BRAF: variants seen among roughly 807,000 people sequenced by gnomAD.
BRAF encodes the protein B-Raf proto-oncogene, serine/threonine kinase.
Under a neutral mutation model 104.6 loss-of-function variants are expected in BRAF, and 16 were observed. The observed-to-expected ratio is 0.15, with a 90% CI of 0.10 to 0.23. The LOEUF (loss-of-function observed/expected upper bound fraction) is 0.23, where lower values mean the gene tolerates loss of function less well. BRAF is among the 10% of genes least tolerant of loss of function. BRAF has a pLI of 1.00. For synonymous variants in BRAF, 310 were observed against 341.6 expected (o/e 0.91, Z 1.02); for missense variants, 541 against 937.3 (o/e 0.58, Z 5.52).
intron 1 of BRAF, among the ~76,000 whole-genome samples, chr7:140,891,515 T>C (rs1388783809): frequency 1.3e-5 from 2 of 152,246 alleles, no homozygotes; most frequent in East Asian, 1.9e-4. Flanking sequence ...TATTACTTTT[T>C]ACTGTTTTCC....
rs1459171405 is a variant in BRAF at position 140,924,897 on chromosome 7, G to T, written c.-194C>A. On this transcript the variant is annotated 5_prime_UTR_variant, in exon 1 of 20. Coordinates refer to ENST00000644969, the MANE Select transcript of BRAF (RefSeq NM_001374258.1). The surrounding 1 kb of genome is among the most constrained non-coding windows in gnomAD (Gnocchi z 4.2). ...ACCTCAGGTACCGGCCCGCGGCCCC[G>T]GGCGCAGCCGAGCCTGAGGGGATTG... is the stretch of plus-strand genomic sequence containing the variant. 5.7e-6 allele frequency: 1 copy of T among 175,354 alleles called. No individual in the cohort carries two copies. Among genetic ancestry groups the T allele is most frequent in the Non-Finnish European group, 1.2e-5 (1 of 85,604 alleles). 10.9% of individuals were successfully genotyped at this position (175,354 alleles called of 1,614,324 possible). A position where few individuals can be genotyped will look rare whatever the true frequency, so the allele number is the denominator to read the frequency against.
At chr7:140,755,326 A>G (rs917124909) in intron 14 of BRAF, among the ~76,000 whole-genome samples, 2 of 152,222 alleles carry the variant, frequency 1.3e-5, no homozygotes, top group Non-Finnish European at 2.9e-5. Flanking sequence ...GACAATGATC[A>G]TTAGACAGTT....
chr7:140,856,255 T>A (rs1417545179), intron 1 of BRAF, among the ~76,000 whole-genome samples: 3 of 151,232 alleles, frequency 2.0e-5, no homozygotes, highest in Non-Finnish European at 4.4e-5. Context: ...AAAGGTGGGG[T>A]TGGGGGAGGA....
At chr7:140,912,591 T>C (rs1420010632) in intron 1 of BRAF, among the ~76,000 whole-genome samples, 1 of 152,226 alleles carries the variant, frequency 6.6e-6, no homozygotes, top group Non-Finnish European at 1.5e-5. Context: ...CCCACTTTCC[T>C]CACTAGCTCT....
At chr7:140,877,320 G>A (rs559518364) in intron 1 of BRAF, among the ~76,000 whole-genome samples, 2 of 144,912 alleles carry the variant, frequency 1.4e-5, no homozygotes, top group East Asian at 2.0e-4. Context: ...CTTGCATGTT[G>A]CGCAATCTAG....
Position 140,923,307 on chromosome 7 carries a change from A to C in BRAF, c.138+1259T>G, listed in dbSNP as rs1277882533. On this transcript the variant is annotated intron_variant, in intron 1 of 19. Coordinates refer to ENST00000644969, the MANE Select transcript of BRAF (RefSeq NM_001374258.1). ...GTCAACAGAGTAAGTCACATTACCTAATCAATAACTGTAAACCACAATTAT... is the reference window on the plus strand; with the variant it reads ...GTCAACAGAGTAAGTCACATTACCTCATCAATAACTGTAAACCACAATTAT... Among the ~76,000 whole-genome samples the C allele has an allele frequency of 2.6e-5, 4 of 152,350 alleles. No individual in the cohort carries two copies. In the East Asian group the frequency reaches 7.7e-4, roughly 29 times the overall value.
At chr7:140,918,393 C>A (rs886991375) in intron 1 of BRAF, among the ~76,000 whole-genome samples, 1 of 152,166 alleles carries the variant, frequency 6.6e-6, no homozygotes, top group African/African-American at 2.4e-5. Context: ...ATAGGGTTCA[C>A]GCTCCTGCCG....
At chr7:140,764,652 T>G (rs939312112) in intron 14 of BRAF, among the ~76,000 whole-genome samples, 3 of 152,034 alleles carry the variant, frequency 2.0e-5, no homozygotes, top group African/African-American at 2.4e-5. Flanking sequence ...TATACACCAA[T>G]AACAGACAAA....
At chr7:140,822,124 AT>A (rs1805552655) in intron 3 of BRAF, among the ~76,000 whole-genome samples, 1 of 152,170 alleles carries the variant, frequency 6.6e-6, no homozygotes. Context: ...ATATACCCAG[AT>A]AACAAAGCTG....
chr7:140,830,515 T>C (rs568233405), intron 3 of BRAF, among the ~76,000 whole-genome samples: 2 of 152,316 alleles, frequency 1.3e-5, no homozygotes, highest in South Asian at 4.1e-4. Context: ...CACAGAGCTC[T>C]GATTCCCTTG....
At chr7:140,897,826 A>G (rs114831957) in intron 1 of BRAF, among the ~76,000 whole-genome samples, 59 of 152,202 alleles carry the variant, frequency 3.9e-4, no homozygotes, top group African/African-American at 1.3e-3. Context: ...AAAAATCAAA[A>G]TCAAAATCAA....
At chr7:140,748,921 T>C (rs916929245) in intron 17 of BRAF, 3 of 165,634 alleles carry the variant, frequency 1.8e-5, no homozygotes, top group East Asian at 1.7e-4. Flanking sequence ...AAAGATCTCA[T>C]AGCTGAGTAC....
intron 8 of BRAF, among the ~76,000 whole-genome samples, chr7:140,789,965 G>C (rs1801786551): frequency 6.6e-6 from 1 of 152,166 alleles, no homozygotes; most frequent in Non-Finnish European, 1.5e-5. Context: ...CCTGACCTCA[G>C]GCGATCCGCC....
chr7:140,861,613 A>G (rs1195555039), intron 1 of BRAF, among the ~76,000 whole-genome samples: 3 of 152,216 alleles, frequency 2.0e-5, no homozygotes, highest in African/African-American at 7.2e-5. Flanking sequence ...CCCACAGCAA[A>G]AGTATCTGAA....
intron 14 of BRAF, among the ~76,000 whole-genome samples, chr7:140,763,245 C>G (rs938161498): frequency 6.6e-6 from 1 of 151,562 alleles, no homozygotes; most frequent in Non-Finnish European, 1.5e-5. Flanking sequence ...GGCTGACCCC[C>G]CAACCTCCCT....
chr7:140,834,535 T>C (rs1282366612), intron 3 of BRAF, 74 bp downstream of exon 3: 15 of 1,568,470 alleles, frequency 9.6e-6, no homozygotes, highest in African/African-American at 4.1e-5. Context: ...AGTAATAATA[T>C]ATTAATTTTC....
chr7:140,732,756 A>AG (rs1207591042), intron 19 of BRAF: 2 of 152,258 alleles, frequency 1.3e-5, no homozygotes, highest in Non-Finnish European at 2.9e-5. Context: ...GATAACTGTG[A>AG]GGCAGGTATG....
chr7:140,719,933 G>C lies in BRAF; in HGVS notation c.*6561C>G, dbSNP rs758081519. On this transcript the variant is annotated 3_prime_UTR_variant, in exon 20 of 20. Coordinates refer to ENST00000644969, the MANE Select transcript of BRAF (RefSeq NM_001374258.1). ...GTGTGTGTGAGTCGCCATAAGGTTT[G>C]GAGTGGTGAAACAGGAACCGTGAAT... is the stretch of plus-strand genomic sequence containing the variant. The C allele has an allele frequency of 3.8e-6, 4 of 1,062,544 alleles. No homozygotes were observed. Among genetic ancestry groups the C allele is most frequent in the Non-Finnish European group, 4.6e-6 (4 of 877,626 alleles). 65.8% of individuals were successfully genotyped at this position (1,062,544 alleles called of 1,614,324 possible). A position where few individuals can be genotyped will look rare whatever the true frequency, so the allele number is the denominator to read the frequency against.
chr7:140,789,122 T>C (rs562944129), intron 8 of BRAF, among the ~76,000 whole-genome samples: 1 of 151,868 alleles, frequency 6.6e-6, no homozygotes, highest in East Asian at 2.0e-4. Context: ...GGCAGGAGAA[T>C]TGCTTGAACC....
Sources: gnomAD v4.1 joint callset for allele counts (sites outside exome capture counted in the v4.1 genomes callset) on GRCh38, gnomAD v4.1.1 for gene constraint, Gnocchi (gnomAD v3.1) non-coding constraint, MANE v1.5 for transcripts, NCBI Gene and HGNC (gene_info 2026-07-23, HGNC 2026-07-21) for gene names.